SLC4A4: variants seen among roughly 807,000 people sequenced by gnomAD.
SLC4A4 encodes solute carrier family 4 member 4, also known as electrogenic sodium bicarbonate cotransporter 1.
In SLC4A4, 27 loss-of-function variants were observed where a neutral mutation model predicts 111.5. That is an observed-to-expected ratio of 0.24 (90% CI 0.18 to 0.33). SLC4A4 has a LOEUF of 0.33. SLC4A4 is among the 10% of genes least tolerant of loss of function. The pLI, the probability that SLC4A4 is intolerant of heterozygous loss-of-function variation, is 1.00. For missense variants in SLC4A4, 909 were observed against 1,315.5 expected (o/e 0.69, Z 4.78); for synonymous variants, 443 against 463.4 (o/e 0.96, Z 0.57).
At chr4:71,340,702 G>A (rs905497528) in intron 4 of SLC4A4, among the ~76,000 whole-genome samples, 1 of 152,066 alleles carries the variant, frequency 6.6e-6, no homozygotes, top group Non-Finnish European at 1.5e-5. Flanking sequence ...GCCTCTTAGT[G>A]ACAAGACACT....
chr4:71,153,052 T>C (rs1040238623), intron 2 of SLC4A4, among the ~76,000 whole-genome samples: 3 of 147,368 alleles, frequency 2.0e-5, no homozygotes, highest in East Asian at 3.9e-4. Context: ...TATATATATA[T>C]AAAAATAAAA....
At chr4:71,120,700 T>C (rs186836386) in intron 2 of SLC4A4, among the ~76,000 whole-genome samples, 32 of 152,306 alleles carry the variant, frequency 2.1e-4, no homozygotes, top group Admixed American at 4.6e-4. Context: ...AAACCCCATC[T>C]CTAATAAAAA....
chr4:71,290,168 G>T (rs1391403630), intron 3 of SLC4A4, among the ~76,000 whole-genome samples: 1 of 152,154 alleles, frequency 6.6e-6, no homozygotes, highest in African/African-American at 2.4e-5. Context: ...TACTAGACAG[G>T]ATTACAGTTT....
intron 16 of SLC4A4, among the ~76,000 whole-genome samples, chr4:71,522,501 C>T (rs1229341286): frequency 6.6e-6 from 1 of 152,078 alleles, no homozygotes; most frequent in Non-Finnish European, 1.5e-5. Context: ...AAAATGAAAA[C>T]CATAGTTTAA....
chr4:71,120,644 G>T (rs996058354), intron 2 of SLC4A4, among the ~76,000 whole-genome samples: 5 of 152,174 alleles, frequency 3.3e-5, no homozygotes, highest in Admixed American at 6.5e-5. Flanking sequence ...GAGGTGGGAG[G>T]ATCTCCTGAG....
chr4:71,416,335 G>A (rs1721821481), intron 7 of SLC4A4, among the ~76,000 whole-genome samples: 1 of 152,168 alleles, frequency 6.6e-6, no homozygotes, highest in Non-Finnish European at 1.5e-5. Flanking sequence ...TGTGATAAAA[G>A]TTTAGTTTAC....
At position 71,424,200 on chromosome 4, in the gene SLC4A4, CAAA is replaced by C. The variant is rs914652145; in HGVS notation, c.808-16414_808-16412del. On this transcript the variant is annotated intron_variant, in intron 7 of 25. Transcript: ENST00000264485. Reference sequence around the variant, plus strand: ...GCAAAGGACATGAACAGACACTTCTCAAAAGAAGACATTTATGCAGCCAAAAGA... The same window carrying C: ...GCAAAGGACATGAACAGACACTTCTCAGAAGACATTTATGCAGCCAAAAGA... 4.2e-3 allele frequency among the ~76,000 whole-genome samples: 646 copies of C among 152,174 alleles called. 1 individual carries two copies. Among genetic ancestry groups the C allele is most frequent in the African/African-American group, 0.014 (602 of 41,524 alleles).
At position 71,078,211 on chromosome 4, in the gene SLC4A4, G is replaced by GCATT. The variant is rs562076848; in HGVS notation, c.-64-14498_-64-14495dup. Among the ~76,000 whole-genome samples, 557 of 152,142 alleles carry GCATT rather than the reference G, an allele frequency of 3.7e-3. 4 individuals carry two copies. The highest frequency in any genetic ancestry group is 0.012 in the African/African-American group (511 of 41,488). ...CAAACCATCTTTGAATGTACAATTA[G>GCATT]CATTCATTCATTCATTCATTCATTA... is the stretch of plus-strand genomic sequence containing the variant. On this transcript the variant is annotated intron_variant, in intron 1 of 26. Coordinates refer to the SLC4A4 transcript ENST00000649996.
At chr4:71,417,540 G>GA (rs2149011888) in intron 7 of SLC4A4, among the ~76,000 whole-genome samples, 1 of 152,130 alleles carries the variant, frequency 6.6e-6, no homozygotes, top group East Asian at 1.9e-4. Flanking sequence ...TATTATAAAA[G>GA]AAAAAATACC....
chr4:71,209,153 T>C (rs754374945), intron 1 of SLC4A4, among the ~76,000 whole-genome samples: 1 of 152,138 alleles, frequency 6.6e-6, no homozygotes, highest in Non-Finnish European at 1.5e-5. Flanking sequence ...ACATATTTTT[T>C]CCCCCCATGC....
intron 1 of SLC4A4, among the ~76,000 whole-genome samples, chr4:71,064,852 T>TA (rs1300317313): frequency 6.6e-6 from 1 of 152,230 alleles, no homozygotes; most frequent in African/African-American, 2.4e-5. Flanking sequence ...ACGAGTTATT[T>TA]AACATCCTTC....
Position 71,362,330 on chromosome 4 carries a change from T to C in SLC4A4, c.730+5143T>C, listed in dbSNP as rs117218569. Among the ~76,000 whole-genome samples the C allele has an allele frequency of 2.6e-3, 403 of 152,308 alleles. 16 individuals are homozygous for C. The East Asian group carries it at 0.073, about 27-fold the overall frequency. ...TTTGTATTAGTGAAAAGTTTCTCTT[T>C]TTTCAATAAAAAATTGGAAAGATAA... is the stretch of plus-strand genomic sequence containing the variant. On this transcript the variant is annotated intron_variant, in intron 6 of 25. Transcript: ENST00000264485.
At chr4:71,120,805 G>A (rs1490683376) in intron 2 of SLC4A4, among the ~76,000 whole-genome samples, 2 of 152,188 alleles carry the variant, frequency 1.3e-5, no homozygotes, top group African/African-American at 4.8e-5. Context: ...GCACCTCCTC[G>A]GCCTCTGTGC....
In SLC4A4 at chr4:71,568,001, C is replaced by A; in HGVS notation, c.*250C>A. On this transcript the variant is annotated 3_prime_UTR_variant, in exon 26 of 26. Transcript: ENST00000264485. The stretch of plus-strand genomic sequence containing the variant: ...TTTCGTCTCAGTTTTTGGTCACAGG[C>A]CAAATAATACAGCGCTCTCTCTGCT... 2.9e-6 allele frequency: 2 copies of A among 680,396 alleles called. No individual in the cohort carries two copies. Among genetic ancestry groups the A allele is most frequent in the Non-Finnish European group, 5.2e-6 (2 of 381,710 alleles). The allele number at this position is 680,396 out of a possible 1,614,324, so 42.1% of individuals were successfully genotyped here. A position where few individuals can be genotyped will look rare whatever the true frequency, so the allele number is the denominator to read the frequency against.
chr4:71,483,286 T>TTAATGGGTTAATGGGTTAAACA, intron 14 of SLC4A4, among the ~76,000 whole-genome samples: 1 of 151,386 alleles, frequency 6.6e-6, no homozygotes, highest in Non-Finnish European at 1.5e-5. Flanking sequence ...TTAAGCCAAG[T>TTAATGGGTTAATGGGTTAAACA]ACCCATTAGT....
intron 2 of SLC4A4, among the ~76,000 whole-genome samples, chr4:71,244,062 G>C (rs1471031186): frequency 6.6e-6 from 1 of 152,072 alleles, no homozygotes; most frequent in Non-Finnish European, 1.5e-5. Flanking sequence ...ACCCCCAATT[G>C]ATTATTAAAT....
intron 4 of SLC4A4, among the ~76,000 whole-genome samples, chr4:71,346,887 T>C (rs986487666): frequency 2.6e-5 from 4 of 152,180 alleles, no homozygotes; most frequent in African/African-American, 4.8e-5. Flanking sequence ...GTTCTCCTTA[T>C]GCTGTAAGCT....
chr4:71,486,327 G>T (rs907437997), intron 14 of SLC4A4, among the ~76,000 whole-genome samples: 1 of 151,362 alleles, frequency 6.6e-6, no homozygotes, highest in African/African-American at 2.4e-5. Context: ...AGGAACGTTG[G>T]TTTAATAAAT....
At chr4:71,203,498 C>CAG (rs1316597511) in intron 1 of SLC4A4, among the ~76,000 whole-genome samples, 1 of 152,168 alleles carries the variant, frequency 6.6e-6, no homozygotes, top group East Asian at 1.9e-4. Context: ...GATGACTTTG[C>CAG]AGAGGGTCCT....
Sources: allele counts gnomAD v4.1 joint callset (sites outside exome capture counted in the v4.1 genomes callset), GRCh38; gene constraint gnomAD v4.1.1; transcripts MANE v1.5; gene names NCBI Gene and HGNC (gene_info 2026-07-23, HGNC 2026-07-21).